DNAH12: variants seen among roughly 807,000 people sequenced by gnomAD.
DNAH12 encodes axonemal beta dynein heavy chain 12.
In DNAH12, 285 loss-of-function variants were observed where a neutral mutation model predicts 371.5. That is an observed-to-expected ratio of 0.77 (90% CI 0.70 to 0.85). DNAH12 has a LOEUF of 0.85. DNAH12 is among the 40% of genes least tolerant of loss of function. The probability of loss-of-function intolerance (pLI) is 0.00; values close to 1 mark genes in which losing one functional copy is unlikely to be tolerated. For synonymous variants in DNAH12, 1,200 were observed against 1,213.0 expected (o/e 0.99, Z 0.22); for missense variants, 3,611 against 3,689.4 (o/e 0.98, Z 0.55).
intron 64 of DNAH12, among the ~76,000 whole-genome samples, chr3:57,322,730 G>C (rs1160909180): frequency 1.3e-5 from 2 of 152,232 alleles, no homozygotes; most frequent in Non-Finnish European, 2.9e-5. Context: ...AGGAGTTCGA[G>C]ACCAGGCTGG....
intron 66 of DNAH12, among the ~76,000 whole-genome samples, chr3:57,313,083 G>T (rs1346945639): frequency 6.6e-6 from 1 of 152,168 alleles, no homozygotes; most frequent in East Asian, 1.9e-4. Context: ...AACAGCAAAA[G>T]AGCAGAAAAA....
chr3:57,547,607 G>A (rs1381780836), upstream of DNAH12, among the ~76,000 whole-genome samples: 3 of 152,074 alleles, frequency 2.0e-5, no homozygotes, highest in African/African-American at 4.8e-5. Context: ...CAGGTAGAGA[G>A]AAAGATAAAT....
At chr3:57,304,581 C>T (rs1188244441) in intron 69 of DNAH12, among the ~76,000 whole-genome samples, 2 of 152,114 alleles carry the variant, frequency 1.3e-5, no homozygotes, top group Non-Finnish European at 2.9e-5. Context: ...CCCAAAACTC[C>T]GGCGCTGAAC....
At chr3:57,529,789 G>C (rs2068777432) in intron 2 of DNAH12, among the ~76,000 whole-genome samples, 2 of 151,746 alleles carry the variant, frequency 1.3e-5, no homozygotes, top group Non-Finnish European at 2.9e-5. Context: ...GGTTTGGTTT[G>C]CTCTTGTTTT....
intron 4 of DNAH12, among the ~76,000 whole-genome samples, chr3:57,514,640 T>C (rs1484661624): frequency 6.6e-6 from 1 of 152,080 alleles, no homozygotes. Flanking sequence ...ACTTTTGGTA[T>C]AGTTCTGATT....
intron 13 of DNAH12, among the ~76,000 whole-genome samples, chr3:57,481,285 CAG>C (rs2066733760): frequency 6.6e-6 from 1 of 152,148 alleles, no homozygotes; most frequent in Admixed American, 6.6e-5. Flanking sequence ...AACAGACAAA[CAG>C]AGAGCCAAAT....
At chr3:57,480,642 C>T (rs2066706756) in intron 13 of DNAH12, among the ~76,000 whole-genome samples, 1 of 152,032 alleles carries the variant, frequency 6.6e-6, no homozygotes, top group African/African-American at 2.4e-5. Flanking sequence ...ACCAATATCC[C>T]TGATGAACGT....
At chr3:57,448,617 T>C (rs969481107) in intron 25 of DNAH12, among the ~76,000 whole-genome samples, 12 of 152,198 alleles carry the variant, frequency 7.9e-5, no homozygotes, top group Admixed American at 1.3e-4. Flanking sequence ...CCCGACCATG[T>C]TGCCAATGCT....
intron 55 of DNAH12, among the ~76,000 whole-genome samples, chr3:57,373,358 C>A (rs1212701304): frequency 1.3e-4 from 19 of 151,856 alleles, no homozygotes; most frequent in African/African-American, 4.4e-4. Flanking sequence ...CTTTGTCACC[C>A]CAGCTGGAGT....
chr3:57,342,688 T>G (rs1236747469), intron 60 of DNAH12, among the ~76,000 whole-genome samples: 11 of 94,670 alleles, frequency 1.2e-4, no homozygotes, highest in African/African-American at 4.3e-4. Context: ...GAAAAGAAAA[T>G]ATTTGTAAAC....
intron 37 of DNAH12, among the ~76,000 whole-genome samples, chr3:57,416,826 T>A (rs760549897): frequency 9.2e-5 from 14 of 152,276 alleles, no homozygotes; most frequent in Non-Finnish European, 1.9e-4. Context: ...TGATCATAAC[T>A]AATTTTAAGG....
chr3:57,323,282 G>T (rs2061851834), intron 63 of DNAH12, 22 bp from the exon 64 acceptor site: 1 of 1,546,456 alleles, frequency 6.5e-7, no homozygotes, highest in African/African-American at 1.4e-5. Context: ...ACAAAAAAAT[G>T]GTCACACTAC....
chr3:57,388,665 G>A (rs1162765826), intron 45 of DNAH12, among the ~76,000 whole-genome samples: 1 of 152,002 alleles, frequency 6.6e-6, no homozygotes, highest in Non-Finnish European at 1.5e-5. Flanking sequence ...CATTACAGAG[G>A]AGGCTTAGAC....
At chr3:57,520,013 T>G in intron 4 of DNAH12, 6 of 772,926 alleles carry the variant, frequency 7.8e-6, no homozygotes, top group South Asian at 1.5e-5. Context: ...TCGGCCATGG[T>G]AGCGCCGCGG....
intron 9 of DNAH12, among the ~76,000 whole-genome samples, 194 bp downstream of exon 9, chr3:57,503,822 A>G (rs1312353692): frequency 6.6e-6 from 1 of 152,224 alleles, no homozygotes; most frequent in Non-Finnish European, 1.5e-5. Flanking sequence ...CATAGCTACA[A>G]GAAAAGTTCT....
chr3:57,294,195 G>GT (rs2061184060), intron 73 of DNAH12, among the ~76,000 whole-genome samples: 1 of 108,474 alleles, frequency 9.2e-6, no homozygotes, highest in Non-Finnish European at 1.9e-5. Context: ...TTTTTTTTTG[G>GT]AGACTGAGTC....
At chr3:57,359,357 C>T (rs1192882086) in intron 58 of DNAH12, among the ~76,000 whole-genome samples, 1 of 151,230 alleles carries the variant, frequency 6.6e-6, no homozygotes, top group African/African-American at 2.4e-5. Context: ...GTCCGGAGTT[C>T]GAGACCAGCC....
chr3:57,499,731 C>T (rs115267119), intron 11 of DNAH12, among the ~76,000 whole-genome samples: 6,474 of 137,884 alleles, frequency 0.047, 247 homozygotes, highest in South Asian at 0.081. Context: ...CTCAGCTACT[C>T]GGGAGGCTGA....
At chr3:57,515,814 G>A (rs1453212847) in intron 4 of DNAH12, among the ~76,000 whole-genome samples, 1 of 151,780 alleles carries the variant, frequency 6.6e-6, no homozygotes, top group East Asian at 1.9e-4. Context: ...ATTGTTACAG[G>A]CAAAGATGTT....
Sources: allele counts gnomAD v4.1 joint callset (sites outside exome capture counted in the v4.1 genomes callset), GRCh38; gene constraint gnomAD v4.1.1; transcripts MANE v1.5; gene names NCBI Gene and HGNC (gene_info 2026-07-23, HGNC 2026-07-21).